MAN2C1: variants seen among roughly 807,000 people sequenced by gnomAD.
The protein encoded by MAN2C1 is mannosidase alpha class 2C member 1, also known as alpha-mannosidase 2C1.
A neutral mutation model predicts 126.9 loss-of-function variants in MAN2C1; 111 were observed. The ratio of observed to expected loss-of-function variants is 0.87; its 90% CI spans 0.75 to 1.02. MAN2C1 has a LOEUF of 1.02. Among genes scored for constraint, MAN2C1 ranks in the 50% least tolerant of loss-of-function variants. MAN2C1 has a pLI of 0.00. For synonymous variants in MAN2C1, 567 were observed against 561.5 expected, an observed-to-expected ratio of 1.01 and a Z score of -0.14; for missense variants, 1,363 against 1,364.4, an observed-to-expected ratio of 1.00 and a Z score of 0.02.
rs76582244 is a variant in MAN2C1, at chr15:75,359,410, G to A, written c.1964C>T (p.Pro655Leu). 1 of 1,610,988 alleles carries A rather than the reference G, an allele frequency of 6.2e-7. No individual in the cohort carries two copies. Among genetic ancestry groups the A allele is most frequent in the Non-Finnish European group, 8.5e-7 (1 of 1,179,450 alleles). The change falls in exon 17 of 26, where the codon CCC becomes CTC. Residue 655 changes from proline to leucine, a missense_variant. Pro to Leu is a moderately conservative substitution (Grantham distance 98, BLOSUM62 -3). This residue lies in a region of MAN2C1 where 668 missense variants were observed against 650.1 expected (regional missense o/e 1.03). Transcript: ENST00000267978. ...AGGAACAGGAGCATAGCCCATGCTG[G>A]GCACTGTCACCAGGGCTGGGGGTGA... Reference protein sequence around the residue: ...GAHSLALVTVPSMGYAPVPPP... With the variant: ...GAHSLALVTVLSMGYAPVPPP...
In MAN2C1 at chr15:75,361,700, A is replaced by G; in HGVS notation, c.1122T>C (p.Phe374=). The change falls in exon 10 of 26, where the codon TTT becomes TTC. Residue 374 remains phenylalanine, a synonymous_variant. Transcript: ENST00000267978. The surrounding 1 kb of genome is among the most constrained non-coding windows in gnomAD (Gnocchi z 5.0). ...MCSEFWLPDT[F]GYSAQLPQIM... ...TCTGGGGGAGCTGTGCTGAGTAGCC[A>G]AAGGTGTCCGGCAGCCAGAACTGTG... 1 of 1,613,932 alleles carries G rather than the reference A, an allele frequency of 6.2e-7. No individual in the cohort carries two copies. The highest frequency in any genetic ancestry group is 1.1e-5 in the South Asian group (1 of 91,076).
Position 75,359,095 on chromosome 15 carries a change from C to A in MAN2C1, c.2105G>T (p.Gly702Val), listed in dbSNP as rs2072409826. 1 of 1,613,936 alleles carries A rather than the reference C, an allele frequency of 6.2e-7. No individual in the cohort carries two copies. The highest frequency in any genetic ancestry group is 8.5e-7 in the Non-Finnish European group (1 of 1,180,040). The part of the protein sequence containing the change: ...GIIRVKLDPT[G>V]RLTSLVLVAS... ...CACCAGGACCAAGGACGTCAGGCGA[C>A]CAGTTGGGTCCAGCTTCACTCGGAT... Residue 702 changes from glycine to valine, a missense_variant, in exon 18 of 26, where the codon GGT becomes GTT. By Grantham distance (109) the Gly-to-Val change is moderately radical. Around this residue, in one of 3 missense-constraint regions of MAN2C1, gnomAD observed 668 missense variants for 650.1 expected, o/e 1.03. Coordinates refer to ENST00000267978, the MANE Select transcript of MAN2C1 (RefSeq NM_006715.4).
chr15:75,359,544 T>C, intron 16 of MAN2C1, 76 bp downstream of exon 16: 1 of 1,586,412 alleles, frequency 6.3e-7, no homozygotes, highest in Non-Finnish European at 8.6e-7. Flanking sequence ...CCCAGATCCC[T>C]CGGGGTATCC....
At chr15:75,360,017 G>T in intron 14 of MAN2C1, 29 bp from the exon 15 acceptor site, 4 of 1,614,076 alleles carry the variant, frequency 2.5e-6, no homozygotes, top group Non-Finnish European at 3.4e-6. Context: ...GGGATGGGAA[G>T]GCTGGGAGGG....
intron 2 of MAN2C1, 145 bp downstream of exon 2, chr15:75,367,928 C>T (rs2072611445): frequency 8.8e-7 from 1 of 1,142,844 alleles, no homozygotes; most frequent in South Asian, 1.6e-5. Flanking sequence ...CTGTTCCCAG[C>T]AGAGGGTGCT....
intron 4 of MAN2C1, 132 bp from the exon 5 acceptor site, chr15:75,364,797 C>T (rs2072543707): frequency 2.8e-6 from 2 of 711,598 alleles, no homozygotes; most frequent in South Asian, 2.2e-5. Context: ...CCAGAGGATC[C>T]CACAGTGTGA....
intron 6 of MAN2C1, 126 bp downstream of exon 6, chr15:75,363,873 G>A: frequency 5.8e-6 from 6 of 1,030,056 alleles, no homozygotes; most frequent in Non-Finnish European, 8.5e-6. Context: ...CCGTTTTACA[G>A]ACGGGGAAAA....
Position 75,361,682 on chromosome 15 carries a change from G to T in MAN2C1, c.1140C>A (p.Leu380=). ...LPDTFGYSAQ[L]PQIMHGCGIR... Reference sequence around the variant, plus strand: ...TGCCACAGCCGTGCATGATCTGGGGGAGCTGTGCTGAGTAGCCAAAGGTGT... The same window carrying T: ...TGCCACAGCCGTGCATGATCTGGGGTAGCTGTGCTGAGTAGCCAAAGGTGT... Residue 380 remains leucine (L), a synonymous_variant, in exon 10 of 26, where the codon CTC becomes CTA. Coordinates refer to ENST00000267978, the MANE Select transcript of MAN2C1 (RefSeq NM_006715.4). The surrounding 1 kb of genome is among the most constrained non-coding windows in gnomAD (Gnocchi z 5.0). 3 of 1,614,026 alleles carry T rather than the reference G, an allele frequency of 1.9e-6. 1 individual carries two copies. The highest frequency in any genetic ancestry group is 2.5e-6 in the Non-Finnish European group (3 of 1,180,018).
At position 75,361,226 on chromosome 15, in the gene MAN2C1, C is replaced by T. The variant is rs199898217; in HGVS notation, c.1315-35G>A. 2.5e-6 allele frequency: 4 copies of T among 1,603,312 alleles called. No individual in the cohort carries two copies. Among genetic ancestry groups the T allele is most frequent in the Admixed American group, 3.5e-5 (2 of 57,792 alleles). ...TGAGGGCAGGCCAGCATGGATCAGCCTGGAACAAGCCAGCCCTCTCCAGCC... is the reference window on the plus strand; with the variant it reads ...TGAGGGCAGGCCAGCATGGATCAGCTTGGAACAAGCCAGCCCTCTCCAGCC... On this transcript the variant is annotated intron_variant, in intron 11 of 25. Transcript: ENST00000267978. The surrounding 1 kb of genome is among the most constrained non-coding windows in gnomAD (Gnocchi z 5.0).
rs375169075 is a variant in MAN2C1, at chr15:75,363,955, G to A, written c.790+44C>T. Reference sequence around the variant, plus strand: ...TCTAGGGCACATCCAGGTCTTCAAGGGCACTCCTGCTTCCCCAGCCAGCCC... The same window carrying A: ...TCTAGGGCACATCCAGGTCTTCAAGAGCACTCCTGCTTCCCCAGCCAGCCC... On this transcript the variant is annotated intron_variant, in intron 6 of 25. Transcript: ENST00000267978. 8.7e-6 allele frequency: 14 copies of A among 1,604,360 alleles called. No homozygotes were observed. In the South Asian group the frequency reaches 1.2e-4, roughly 14 times the overall value.
Position 75,358,168 on chromosome 15 carries a change from G to A in MAN2C1, c.2547+33C>T, listed in dbSNP as rs1368479793. On this transcript the variant is annotated intron_variant, in intron 21 of 25. Coordinates refer to ENST00000267978, the MANE Select transcript of MAN2C1 (RefSeq NM_006715.4). ...AAGCAGTCTCCCCAGCCAGGGAGGAGTCCAAGGCCACTCCCACCCTGCCAT... is the reference window on the plus strand; with the variant it reads ...AAGCAGTCTCCCCAGCCAGGGAGGAATCCAAGGCCACTCCCACCCTGCCAT... The A allele has an allele frequency of 3.1e-6, 5 of 1,612,908 alleles. No individual in the cohort carries two copies. The African/African-American group carries it at 4.0e-5, about 13-fold the overall frequency.
intron 4 of MAN2C1, among the ~76,000 whole-genome samples, chr15:75,365,381 T>C (rs570190672): frequency 6.6e-6 from 1 of 152,144 alleles, no homozygotes; most frequent in Non-Finnish European, 1.5e-5. Flanking sequence ...AATGTCCATG[T>C]TATAACATGG....
At chr15:75,367,486 C>T (rs1249704950) in intron 3 of MAN2C1, 25 bp downstream of exon 3, 2 of 1,612,008 alleles carry the variant, frequency 1.2e-6, no homozygotes, top group Non-Finnish European at 1.7e-6. Flanking sequence ...GTGGCCATAC[C>T]TGGCCCTAGG....
rs200817964 is a variant in MAN2C1, at chr15:75,358,453, C to G, written c.2403+9G>C. On this transcript the variant is annotated intron_variant, in intron 20 of 25. Transcript: ENST00000267978. ...TGGGGAAAACAGCCACCCCCTACCC[C>G]CCGACTACCTCGGTGTGGAAGCGGA... The G allele has an allele frequency of 1.8e-4, 287 of 1,613,390 alleles. 1 individual carries two copies. The highest frequency in any genetic ancestry group is 1.1e-3 in the South Asian group (102 of 91,084).
At chr15:75,363,822 G>A in intron 6 of MAN2C1, 177 bp downstream of exon 6, 1 of 638,164 alleles carries the variant, frequency 1.6e-6, no homozygotes, top group South Asian at 2.1e-5. Flanking sequence ...AAAAAAAAGT[G>A]AATCCAAAGC....
rs767342082 is a variant in MAN2C1, at chr15:75,355,929, C to G, written c.3100G>C (p.Val1034Leu). The change falls in exon 26 of 26, where the codon GTG becomes CTG. Residue 1034 changes from valine (V) to leucine (L), a missense_variant. Physicochemically the swap from Val to Leu is conservative, Grantham distance 32. Around this residue, in one of 3 missense-constraint regions of MAN2C1, gnomAD observed 668 missense variants for 650.1 expected, o/e 1.03. Transcript: ENST00000267978. ...ACTCAGTGTGGCGGAGGCTGAAGCA[C>G]GAGCAACAGGGACAGCACTTGGAAG... ...SPFQVLSLLL[V>L]LQPPPH 6 of 1,614,178 alleles carry G rather than the reference C, an allele frequency of 3.7e-6. No homozygotes were observed. The highest frequency in any genetic ancestry group is 2.5e-6 in the Non-Finnish European group (3 of 1,180,036).
In MAN2C1 at chr15:75,356,383, G is replaced by C; in HGVS notation, c.2804C>G (p.Pro935Arg). The C allele has an allele frequency of 1.2e-6, 2 of 1,611,684 alleles. No homozygotes were observed. The highest frequency in any genetic ancestry group is 1.7e-6 in the Non-Finnish European group (2 of 1,179,208). ...GGTGGCGGGCGCTGGGCTGGGGGCT[G>C]GCAGAGCCAACAGGGGGAAGTTTAG... ...YSLNFPLLAL[P>R]APSPAPATSW... The change falls in exon 24 of 26, where the codon CCA (proline) becomes CGA (arginine). Residue 935 changes from proline (P) to arginine (R), a missense_variant. By Grantham distance (103) the Pro-to-Arg change is moderately radical (BLOSUM62 -2). This residue lies in a region of MAN2C1 where 668 missense variants were observed against 650.1 expected (regional missense o/e 1.03). Coordinates refer to ENST00000267978, the MANE Select transcript of MAN2C1 (RefSeq NM_006715.4). The surrounding 1 kb of genome is among the most constrained non-coding windows in gnomAD (Gnocchi z 5.8).
At chr15:75,367,743 C>T (rs1352044586) in intron 2 of MAN2C1, 109 bp from the exon 3 acceptor site, 1 of 1,390,412 alleles carries the variant, frequency 7.2e-7, no homozygotes, top group African/African-American at 1.4e-5. Flanking sequence ...TCTGCAGTGT[C>T]ACAAGGTACT....
At chr15:75,358,969 T>C (rs564708691) in intron 18 of MAN2C1, 90 bp downstream of exon 18, 1 of 1,561,254 alleles carries the variant, frequency 6.4e-7, no homozygotes, top group East Asian at 2.2e-5. Context: ...ACTGGTGGGC[T>C]GCTGTGGGCA....
Sources: gnomAD v4.1 joint callset for allele counts (sites outside exome capture counted in the v4.1 genomes callset) on GRCh38, gnomAD v4.1.1 for gene constraint, gnomAD v4.1.1 regional missense constraint, Gnocchi (gnomAD v3.1) non-coding constraint, MANE v1.5 for transcripts, NCBI Gene and HGNC (gene_info 2026-07-23, HGNC 2026-07-21) for gene names.